The following SLC2A11 variants were observed in gnomAD, a reference collection of about 807,000 sequenced individuals.
The protein encoded by SLC2A11 is solute carrier family 2 member 11, also known as solute carrier family 2, facilitated glucose transporter member 11.
In SLC2A11, 43 loss-of-function variants were observed where a neutral mutation model predicts 52.1. That is an observed-to-expected ratio of 0.82 (90% CI 0.65 to 1.06). The LOEUF (loss-of-function observed/expected upper bound fraction) is 1.06, where lower values mean the gene tolerates loss of function less well. SLC2A11 is among the 50% of genes least tolerant of loss of function. The pLI is 0.00. For missense variants in SLC2A11, 582 were observed against 654.2 expected (o/e 0.89, Z 1.20); for synonymous variants, 261 against 277.6 (o/e 0.94, Z 0.59).
intron 2 of SLC2A11, 50 bp from the exon 3 acceptor site, chr22:23,868,431 C>T: frequency 6.2e-7 from 1 of 1,603,878 alleles, no homozygotes; most frequent in East Asian, 2.2e-5. Flanking sequence ...TTTCATCTAG[C>T]ACCCCCACGC....
intron 1 of SLC2A11, among the ~76,000 whole-genome samples, chr22:23,859,574 G>A (rs1298922907): frequency 2.0e-5 from 3 of 151,854 alleles, no homozygotes; most frequent in African/African-American, 4.8e-5. Context: ...TGCAACCTCC[G>A]CCTCCCTCCC....
chr22:23,857,974 G>A lies in SLC2A11; in HGVS notation c.-26G>A. 6.3e-7 allele frequency: 1 copy of A among 1,592,200 alleles called. No homozygotes were observed. The highest frequency in any genetic ancestry group is 8.5e-7 in the Non-Finnish European group (1 of 1,170,852). On this transcript the variant is annotated 5_prime_UTR_variant, in exon 1 of 12. Transcript: ENST00000316185. ...AGCCGGGGTCTCCCTGGGACAGCAA[G>A]ACCTCCGCTCAGGCCCCTCTTTCGA...
upstream of SLC2A11, chr22:23,857,632 AC>A (rs763969482): frequency 3.3e-6 from 3 of 914,026 alleles, no homozygotes; most frequent in Non-Finnish European, 3.1e-6. Context: ...ACTCCCCAGC[AC>A]CCCCAGCCCT....
intron 3 of SLC2A11, among the ~76,000 whole-genome samples, chr22:23,874,742 G>A (rs552219273): frequency 1.3e-5 from 2 of 151,940 alleles, no homozygotes; most frequent in African/African-American, 4.8e-5. Context: ...GTGAGCCACC[G>A]CGCCCAGCCT....
chr22:23,869,487 C>CAA (rs113496535), intron 3 of SLC2A11: 1 of 144,238 alleles, frequency 6.9e-6, no homozygotes. Flanking sequence ...GACTCCATCT[C>CAA]AAAAAAAAAA....
At chr22:23,878,062 A>G (rs1273212485) in intron 6 of SLC2A11, among the ~76,000 whole-genome samples, 193 bp downstream of exon 6, 1 of 152,240 alleles carries the variant, frequency 6.6e-6, no homozygotes, top group Non-Finnish European at 1.5e-5. Context: ...ACTGCCAGGC[A>G]GCAGAATGGA....
At chr22:23,867,498 A>G in intron 2 of SLC2A11, 1 of 326,410 alleles carries the variant, frequency 3.1e-6, no homozygotes, top group Non-Finnish European at 6.1e-6. Context: ...GTGCCTGGCC[A>G]CGGAATTTCT....
rs558962661 is a variant in SLC2A11, at chr22:23,883,120, G to A, written c.993+251G>A. The A allele has an allele frequency of 5.1e-4, 262 of 518,048 alleles. 3 individuals are homozygous for A. Among genetic ancestry groups the A allele is most frequent in the Admixed American group, 2.3e-3 (81 of 34,690 alleles). 32.1% of individuals were successfully genotyped at this position (518,048 alleles called of 1,614,324 possible). Reference sequence around the variant, plus strand: ...ACTAAAAAATACAAAAAATTATCCCGGCGTGGTGGCGGGCGCCTGTAATCC... The same window carrying A: ...ACTAAAAAATACAAAAAATTATCCCAGCGTGGTGGCGGGCGCCTGTAATCC... On this transcript the variant is annotated intron_variant, in intron 8 of 11. Coordinates refer to ENST00000316185, the MANE Select transcript of SLC2A11 (RefSeq NM_001024939.4).
At chr22:23,876,608 A>G (rs2032618573) in intron 4 of SLC2A11, among the ~76,000 whole-genome samples, 1 of 152,006 alleles carries the variant, frequency 6.6e-6, no homozygotes, top group East Asian at 1.9e-4. Context: ...AGCCAGGGTG[A>G]GGTGAGAGCA....
intron 1 of SLC2A11, among the ~76,000 whole-genome samples, chr22:23,859,584 C>T (rs1195387949): frequency 6.6e-6 from 1 of 152,168 alleles, no homozygotes; most frequent in African/African-American, 2.4e-5. Context: ...GCCTCCCTCC[C>T]GGATTCAAGC....
At chr22:23,857,585 C>CT (rs1568980501), upstream of SLC2A11, 3 of 1,474,942 alleles carry the variant, frequency 2.0e-6, no homozygotes, top group Admixed American at 3.7e-5. Flanking sequence ...AAACCCCCCC[C>CT]CCGCGGCGGC....
Position 23,857,894 on chromosome 22 carries a change from T to C in SLC2A11, c.-106T>C. ...TAGCGCCTCTTTCACCACTGGGCGC[T>C]GCGCGCTGCCCTTCCCTCCGCGCAC... is the stretch of plus-strand genomic sequence containing the variant. On this transcript the variant is annotated 5_prime_UTR_variant, in exon 1 of 12. Coordinates refer to ENST00000316185, the MANE Select transcript of SLC2A11 (RefSeq NM_001024939.4). The C allele has an allele frequency of 1.3e-6, 2 of 1,564,684 alleles. No homozygotes were observed. The highest frequency in any genetic ancestry group is 1.7e-6 in the Non-Finnish European group (2 of 1,156,298).
chr22:23,857,157 C>T, upstream of SLC2A11: 1 of 1,027,638 alleles, frequency 9.7e-7, no homozygotes, highest in Non-Finnish European at 1.4e-6. Flanking sequence ...GGGGCAGTGG[C>T]CTCCGAGGTT....
chr22:23,873,350 TGGG>T (rs1269999453), intron 3 of SLC2A11: 37 of 150,068 alleles, frequency 2.5e-4, no homozygotes, highest in African/African-American at 8.9e-4. Flanking sequence ...TGTAGCATGG[TGGG>T]GGGAGCACAG....
At position 23,883,896 on chromosome 22, in the gene SLC2A11, G is replaced by C. The variant is rs373365313; in HGVS notation, c.1095+23G>C. The stretch of plus-strand genomic sequence containing the variant: ...CAGGTAGCTGGGGTGGATGAGGGCT[G>C]GGGGGTCCAGGCCGGGCTGACTTCC... On this transcript the variant is annotated intron_variant, in intron 9 of 11. Coordinates refer to ENST00000316185, the MANE Select transcript of SLC2A11 (RefSeq NM_001024939.4). 234 of 1,606,240 alleles carry C rather than the reference G, an allele frequency of 1.5e-4. 1 individual carries two copies. Among genetic ancestry groups the C allele is most frequent in the Non-Finnish European group, 1.9e-4 (225 of 1,177,542 alleles).
At chr22:23,857,149 G>A (rs1203352477), upstream of SLC2A11, 69 of 1,074,714 alleles carry the variant, frequency 6.4e-5, no homozygotes, top group East Asian at 1.8e-3. Flanking sequence ...AACGCCCAGG[G>A]GCAGTGGCCT....
In SLC2A11 at chr22:23,882,805, A is replaced by G; in HGVS notation, c.929A>G (p.Glu310Gly). Residue 310 changes from glutamate to glycine, a missense_variant, in exon 8 of 12, where the codon GAA becomes GGA. Coordinates refer to ENST00000316185, the MANE Select transcript of SLC2A11 (RefSeq NM_001024939.4). ...GTGTTCCGGAAGGCAGGAGTGCCGG[A>G]AGCGAAGATCCAGTACGCGATCATC... ...SSVFRKAGVP[E>G]AKIQYAIIGT... 6.2e-7 allele frequency: 1 copy of G among 1,613,880 alleles called. No individual in the cohort carries two copies. Among genetic ancestry groups the G allele is most frequent in the Non-Finnish European group, 8.5e-7 (1 of 1,179,906 alleles).
chr22:23,872,562 G>A (rs757190895), intron 3 of SLC2A11: 2 of 152,186 alleles, frequency 1.3e-5, no homozygotes, highest in Non-Finnish European at 2.9e-5. Flanking sequence ...TCTGCGATGT[G>A]AATTTGGCTT....
chr22:23,882,900 G>A, intron 8 of SLC2A11, 31 bp downstream of exon 8: 1 of 1,571,036 alleles, frequency 6.4e-7, no homozygotes, highest in South Asian at 1.1e-5. Flanking sequence ...TCCTCCACCA[G>A]CCCTGTGGGG....
Sources: allele counts gnomAD v4.1 joint callset (sites outside exome capture counted in the v4.1 genomes callset), GRCh38; gene constraint gnomAD v4.1.1; transcripts MANE v1.5; gene names NCBI Gene and HGNC (gene_info 2026-07-23, HGNC 2026-07-21).